The following ATF7IP variants were observed in gnomAD, a reference collection of about 807,000 sequenced individuals.
The protein encoded by ATF7IP is activating transcription factor 7 interacting protein.
A neutral mutation model predicts 106.4 loss-of-function variants in ATF7IP; 23 were observed. The ratio of observed to expected loss-of-function variants is 0.22; its 90% CI spans 0.16 to 0.31. The LOEUF is 0.31. ATF7IP is among the 10% of genes least tolerant of loss of function. The pLI is 1.00. For synonymous variants in ATF7IP, 542 were observed against 539.0 expected, an observed-to-expected ratio of 1.01 and a Z score of -0.08; for missense variants, 1,334 against 1,524.3, an observed-to-expected ratio of 0.88 and a Z score of 2.08.
chr12:14,377,020 T>A (rs554382342), intron 1 of ATF7IP, among the ~76,000 whole-genome samples: 2 of 152,150 alleles, frequency 1.3e-5, no homozygotes, highest in Admixed American at 1.3e-4. Context: ...TTTGAGACAC[T>A]GTCTTGCTGT....
intron 1 of ATF7IP, among the ~76,000 whole-genome samples, chr12:14,413,755 A>G (rs970737805): frequency 1.3e-5 from 2 of 152,132 alleles, no homozygotes; most frequent in African/African-American, 4.8e-5. Flanking sequence ...TTCTCCTTTC[A>G]AGGTGTGTAA....
At chr12:14,438,634 T>C (rs1172879084) in intron 5 of ATF7IP, among the ~76,000 whole-genome samples, 3 of 152,220 alleles carry the variant, frequency 2.0e-5, no homozygotes, top group Non-Finnish European at 4.4e-5. Flanking sequence ...TCTGGCTTTA[T>C]CTTTACATGG....
At chr12:14,385,800 A>G (rs2136420425) in intron 1 of ATF7IP, among the ~76,000 whole-genome samples, 1 of 152,180 alleles carries the variant, frequency 6.6e-6, no homozygotes, top group East Asian at 1.9e-4. Flanking sequence ...CAAAGACTAC[A>G]ATTTTTCTAC....
In ATF7IP at chr12:14,421,325, G is replaced by C. The variant is rs1015536311; in HGVS notation, c.-7-2584G>C. On this transcript the variant is annotated intron_variant, in intron 1 of 14. Coordinates refer to ENST00000261168, the MANE Select transcript of ATF7IP (RefSeq NM_018179.5). ...TTCTGTTTATGTGGTGAATTAAATA[G>C]CTTGATTTGTTTTGTGGTTTTCTTT... 2.0e-5 allele frequency among the ~76,000 whole-genome samples: 3 copies of C among 152,136 alleles called. No homozygotes were observed. The South Asian group carries it at 6.2e-4, about 32-fold the overall frequency.
chr12:14,459,170 T>A (rs1185928971), intron 8 of ATF7IP, among the ~76,000 whole-genome samples: 1 of 152,196 alleles, frequency 6.6e-6, no homozygotes, highest in Non-Finnish European at 1.5e-5. Context: ...TAAGAAAAGA[T>A]CTTCAAAATA....
chr12:14,376,021 C>T (rs991374120), intron 1 of ATF7IP, among the ~76,000 whole-genome samples: 3 of 152,060 alleles, frequency 2.0e-5, no homozygotes, highest in African/African-American at 7.2e-5. Flanking sequence ...TGATGGAGAC[C>T]AGTTTTAGGA....
At chr12:14,406,353 C>G (rs1209277995) in intron 1 of ATF7IP, among the ~76,000 whole-genome samples, 1 of 152,164 alleles carries the variant, frequency 6.6e-6, no homozygotes, top group African/African-American at 2.4e-5. Context: ...CCTGCCTTAG[C>G]CTCCCAAAGT....
chr12:14,418,750 A>G (rs1025924640), intron 1 of ATF7IP, among the ~76,000 whole-genome samples: 7 of 152,206 alleles, frequency 4.6e-5, no homozygotes, highest in African/African-American at 1.7e-4. Flanking sequence ...TTTAGAACCC[A>G]TAAGATCTGG....
At chr12:14,389,944 A>G (rs564041246) in intron 1 of ATF7IP, among the ~76,000 whole-genome samples, 1 of 152,156 alleles carries the variant, frequency 6.6e-6, no homozygotes, top group Non-Finnish European at 1.5e-5. Flanking sequence ...AATTGTTAAC[A>G]TTTAAAGTTG....
intron 1 of ATF7IP, among the ~76,000 whole-genome samples, chr12:14,414,225 T>TC (rs774281764): frequency 2.0e-5 from 3 of 152,246 alleles, no homozygotes; most frequent in Non-Finnish European, 4.4e-5. Flanking sequence ...GGATTATATG[T>TC]CCCTACCTTT....
chr12:14,464,764 A>G (rs1029303271), intron 9 of ATF7IP, among the ~76,000 whole-genome samples: 1 of 152,230 alleles, frequency 6.6e-6, no homozygotes, highest in Non-Finnish European at 1.5e-5. Context: ...AAGGAATATC[A>G]TTACAGTTTT....
intron 1 of ATF7IP, among the ~76,000 whole-genome samples, chr12:14,370,018 A>G (rs1025157237): frequency 6.7e-6 from 1 of 148,264 alleles, no homozygotes; most frequent in African/African-American, 2.5e-5. Context: ...GCTCACCGCA[A>G]CCTCCGCCTC....
chr12:14,393,016 A>G (rs1939649823), intron 1 of ATF7IP, among the ~76,000 whole-genome samples: 1 of 152,204 alleles, frequency 6.6e-6, no homozygotes, highest in Non-Finnish European at 1.5e-5. Context: ...TGCCATTGTT[A>G]GTACTATTAG....
At chr12:14,387,547 C>G (rs1309864819) in intron 1 of ATF7IP, among the ~76,000 whole-genome samples, 2 of 152,124 alleles carry the variant, frequency 1.3e-5, no homozygotes, top group Non-Finnish European at 2.9e-5. Context: ...CTATTGCTAA[C>G]TGTAATATTT....
intron 13 of ATF7IP, among the ~76,000 whole-genome samples, chr12:14,483,317 C>A (rs1477767804): frequency 6.6e-6 from 1 of 152,188 alleles, no homozygotes; most frequent in Non-Finnish European, 1.5e-5. Context: ...AATGGATCTC[C>A]TGTATTCCAT....
At chr12:14,488,803 TTACA>T (rs1221860664) in intron 13 of ATF7IP, among the ~76,000 whole-genome samples, 1 of 152,174 alleles carries the variant, frequency 6.6e-6, no homozygotes, top group African/African-American at 2.4e-5. Context: ...CCAAATACTA[TTACA>T]TAAAGTTAAC....
intron 1 of ATF7IP, chr12:14,419,045 C>T (rs952157901): frequency 6.6e-6 from 1 of 152,000 alleles, no homozygotes; most frequent in African/African-American, 2.4e-5. Flanking sequence ...TAGTTTATTC[C>T]TAAAAACGTT....
rs1941751311 is a variant in ATF7IP, at chr12:14,424,826, A to G, written c.911A>G (p.Asp304Gly). ...VPVCEPVPEIDNIEPSSNKDD... is the reference protein window; with the variant it reads ...VPVCEPVPEIGNIEPSSNKDD... ...GTTTGTGAACCAGTTCCTGAAATTG[A>G]CAATATAGAACCAAGTAGCAATAAA... Residue 304 changes from aspartate (D) to glycine (G), a missense_variant, in exon 2 of 15, where the codon GAC (aspartate) becomes GGC (glycine). Around this residue, in one of 10 missense-constraint regions of ATF7IP, gnomAD observed 438 missense variants for 405.3 expected, o/e 1.08. Transcript: ENST00000261168. 6.2e-7 allele frequency: 1 copy of G among 1,613,976 alleles called. No individual in the cohort carries two copies. Among genetic ancestry groups the G allele is most frequent in the African/African-American group, 1.3e-5 (1 of 75,042 alleles).
At chr12:14,412,031 T>C (rs1940949310) in intron 1 of ATF7IP, among the ~76,000 whole-genome samples, 1 of 152,188 alleles carries the variant, frequency 6.6e-6, no homozygotes, top group Non-Finnish European at 1.5e-5. Context: ...ACACTCTTTG[T>C]TCAAAATACT....
Sources: allele counts gnomAD v4.1 joint callset (sites outside exome capture counted in the v4.1 genomes callset), GRCh38; gene constraint gnomAD v4.1.1; regional missense constraint gnomAD v4.1.1; transcripts MANE v1.5; gene names NCBI Gene and HGNC (gene_info 2026-07-23, HGNC 2026-07-21).